SPTB: variants seen among roughly 807,000 people sequenced by gnomAD.
SPTB encodes spectrin beta, erythrocytic, also known as spectrin beta chain, erythrocytic.
Under a neutral mutation model 256.2 loss-of-function variants are expected in SPTB, and 45 were observed. That is an observed-to-expected ratio of 0.18 (90% CI 0.14 to 0.23). The LOEUF (loss-of-function observed/expected upper bound fraction) is 0.23. Ranked by LOEUF, SPTB falls within the 10% of genes least tolerant of loss-of-function variation. The pLI is 1.00. For missense variants in SPTB, 2,715 were observed against 3,040.4 expected, an observed-to-expected ratio of 0.89 and a Z score of 2.52; for synonymous variants, 1,231 against 1,243.1, an observed-to-expected ratio of 0.99 and a Z score of 0.21.
chr14:64,877,326 G>A (rs545873024), intron 1 of SPTB, among the ~76,000 whole-genome samples: 1 of 152,136 alleles, frequency 6.6e-6, no homozygotes, highest in African/African-American at 2.4e-5. Flanking sequence ...TATTACCTGA[G>A]GTCCTGGGAA....
chr14:64,813,461 C>A (rs2083128278), intron 2 of SPTB, among the ~76,000 whole-genome samples: 1 of 152,244 alleles, frequency 6.6e-6, no homozygotes, highest in East Asian at 1.9e-4. Flanking sequence ...CCTTCTCATG[C>A]CAGGAAGCCA....
At chr14:64,848,841 TCTTGA>T (rs1226778010) in intron 1 of SPTB, among the ~76,000 whole-genome samples, 3 of 152,244 alleles carry the variant, frequency 2.0e-5, no homozygotes, top group Non-Finnish European at 4.4e-5. Context: ...CACATAATAC[TCTTGA>T]CTTATGTAAT....
chr14:64,795,460 C>G lies in SPTB; in HGVS notation c.1521G>C (p.Leu507=). Residue 507 remains leucine (L), a synonymous_variant, in exon 12 of 36, where the codon CTG becomes CTC. Transcript: ENST00000644917. The surrounding 1 kb of genome is among the most constrained non-coding windows in gnomAD (Gnocchi z 6.5). ...KRITARKDNI[L]RLWSYLQELL... is the part of the protein sequence containing the mutation. ...GCTCCTGCAGGTAGCTCCATAGGCG[C>G]AGTATATTGTCCTTGCGGGCCGTGA... 1 of 1,614,196 alleles carries G rather than the reference C, an allele frequency of 6.2e-7. No individual in the cohort carries two copies. The highest frequency in any genetic ancestry group is 8.5e-7 in the Non-Finnish European group (1 of 1,180,034).
intron 23 of SPTB, 25 bp from the exon 24 acceptor site, chr14:64,774,552 C>T: frequency 6.4e-7 from 1 of 1,551,896 alleles, no homozygotes. Context: ...ACGGTCAGCG[C>T]CAGAGCTCAG....
chr14:64,757,289 A>G (rs894710023), intron 32 of SPTB: 1 of 152,046 alleles, frequency 6.6e-6, no homozygotes, highest in Non-Finnish European at 1.5e-5. Context: ...CTTCCATTCC[A>G]TTTTCCTTCC....
intron 33 of SPTB, 169 bp from the exon 34 acceptor site, chr14:64,750,323 C>CTAT (rs768213505): frequency 2.6e-6 from 2 of 763,276 alleles, no homozygotes; most frequent in Admixed American, 6.8e-5. Context: ...AAAAAATTAG[C>CTAT]TATTATTAAC....
intron 27 of SPTB, among the ~76,000 whole-genome samples, chr14:64,769,949 G>A (rs1296536002): frequency 6.6e-6 from 1 of 152,220 alleles, no homozygotes; most frequent in African/African-American, 2.4e-5. Flanking sequence ...TGGGCAGTGG[G>A]TACAGAAATC....
intron 29 of SPTB, among the ~76,000 whole-genome samples, chr14:64,768,397 A>C (rs775297985): frequency 4.6e-5 from 7 of 152,240 alleles, no homozygotes; most frequent in Admixed American, 2.0e-4. Flanking sequence ...TTTTGAAAAC[A>C]AAATGTATTT....
chr14:64,786,370 G>A lies in SPTB; in HGVS notation c.3561+34C>T. On this transcript the variant is annotated intron_variant, in intron 16 of 35. Transcript: ENST00000644917. This position sits in a 1 kb window ranked among gnomAD's most constrained non-coding sequence, Gnocchi z 5.6. ...CACCACAAGAGCTACTGCCCTGAGA[G>A]ACCCGCCTGTCCCAGCCCTGAATGC... The A allele has an allele frequency of 1.9e-6, 3 of 1,613,054 alleles. No individual in the cohort carries two copies. Among genetic ancestry groups the A allele is most frequent in the Non-Finnish European group, 2.5e-6 (3 of 1,179,974 alleles).
In SPTB at chr14:64,793,546, C is replaced by A. The variant is rs201889680; in HGVS notation, c.2117G>T (p.Arg706Leu). The A allele has an allele frequency of 2.5e-6, 4 of 1,614,112 alleles. No homozygotes were observed. In the South Asian group the frequency reaches 4.4e-5, roughly 18 times the overall value. Reference protein sequence around the residue: ...IFQEAHGMVARKQFGHPQIEA... With the variant: ...IFQEAHGMVALKQFGHPQIEA... ...GATCTGCGGGTGCCCAAACTGCTTG[C>A]GCGCAACCATGCCATGAGCCTCCTG... The change falls in exon 14 of 36, where the codon CGC (arginine) becomes CTC (leucine). Residue 706 changes from arginine (R) to leucine (L), a missense_variant. By Grantham distance (102) the Arg-to-Leu change is moderately radical (BLOSUM62 -2). Around this residue, in one of 4 missense-constraint regions of SPTB, gnomAD observed 2,239 missense variants for 2,384.4 expected, o/e 0.94. Transcript: ENST00000644917. The surrounding 1 kb of genome is among the most constrained non-coding windows in gnomAD (Gnocchi z 7.0).
intron 1 of SPTB, among the ~76,000 whole-genome samples, chr14:64,830,959 A>C (rs962938919): frequency 1.1e-4 from 16 of 152,200 alleles, no homozygotes; most frequent in African/African-American, 3.4e-4. Flanking sequence ...AAACAAATAC[A>C]ATTTTCAAAT....
At chr14:64,756,591 C>A (rs2082020023) in intron 32 of SPTB, 1 of 152,146 alleles carries the variant, frequency 6.6e-6, no homozygotes, top group South Asian at 2.1e-4. Context: ...TAAATACAAT[C>A]CCTGCTCTTT....
At chr14:64,771,614 C>T (rs901592683) in intron 26 of SPTB, among the ~76,000 whole-genome samples, 1 of 152,152 alleles carries the variant, frequency 6.6e-6, no homozygotes, top group Admixed American at 6.5e-5. Context: ...CCGTTCTTAA[C>T]CATTCTGTGT....
At chr14:64,869,425 T>C (rs1188244289) in intron 1 of SPTB, among the ~76,000 whole-genome samples, 5 of 152,160 alleles carry the variant, frequency 3.3e-5, no homozygotes, top group South Asian at 2.1e-4. Context: ...ACATGATTCT[T>C]TATTCTTTTT....
chr14:64,879,263 C>A (rs1405247364), intron 1 of SPTB, among the ~76,000 whole-genome samples: 1 of 152,214 alleles, frequency 6.6e-6, no homozygotes, highest in African/African-American at 2.4e-5. Flanking sequence ...GGCCCGGCCC[C>A]CTCTGCTGCC....
At chr14:64,771,943 C>T (rs891549837) in intron 26 of SPTB, among the ~76,000 whole-genome samples, 1 of 152,178 alleles carries the variant, frequency 6.6e-6, no homozygotes, top group African/African-American at 2.4e-5. Context: ...GCAACAGGGG[C>T]CCCCTTGCAT....
Position 64,786,257 on chromosome 14 carries a change from T to C in SPTB, c.3561+147A>G. 8.1e-7 allele frequency: 1 copy of C among 1,236,568 alleles called. No individual in the cohort carries two copies. Among genetic ancestry groups the C allele is most frequent in the East Asian group, 2.3e-5 (1 of 42,980 alleles). The allele number at this position is 1,236,568 out of a possible 1,614,324, so 76.6% of individuals were successfully genotyped here. The stretch of plus-strand genomic sequence containing the variant: ...ACACAAGGCTGGAAAAGGCCCCTAA[T>C]GAGAAACAAAGATTTCCCCCATGAG... On this transcript the variant is annotated intron_variant, in intron 16 of 35. Transcript: ENST00000644917. The surrounding 1 kb of genome is among the most constrained non-coding windows in gnomAD (Gnocchi z 5.6).
Position 64,792,599 on chromosome 14 carries a change from G to A in SPTB, c.2666+398C>T, listed in dbSNP as rs1363098881. 6.6e-6 allele frequency among the ~76,000 whole-genome samples: 1 copy of A among 152,152 alleles called. No homozygotes were observed. Among genetic ancestry groups the A allele is most frequent in the Non-Finnish European group, 1.5e-5 (1 of 68,028 alleles). On this transcript the variant is annotated intron_variant, in intron 14 of 35. Coordinates refer to ENST00000644917, the MANE Select transcript of SPTB (RefSeq NM_001355436.2). This position sits in a 1 kb window ranked among gnomAD's most constrained non-coding sequence, Gnocchi z 4.2. ...CAAATTCTCTCTGTGGCCCCTCAGA[G>A]TCTCCTGGCTTAAGGACTGCCACAG...
rs1159304776 is a variant in SPTB, at chr14:64,796,142, T to G, written c.1341+415A>C. ...AAGTGAGAGGGAACAGATGCTCTGATGAAGAATCAGCCCTGGGGTCAATTC... is the reference window on the plus strand; with the variant it reads ...AAGTGAGAGGGAACAGATGCTCTGAGGAAGAATCAGCCCTGGGGTCAATTC... On this transcript the variant is annotated intron_variant, in intron 11 of 35. Coordinates refer to ENST00000644917, the MANE Select transcript of SPTB (RefSeq NM_001355436.2). This position sits in a 1 kb window ranked among gnomAD's most constrained non-coding sequence, Gnocchi z 4.1. 6.6e-6 allele frequency among the ~76,000 whole-genome samples: 1 copy of G among 152,194 alleles called. No homozygotes were observed. Among genetic ancestry groups the G allele is most frequent in the Non-Finnish European group, 1.5e-5 (1 of 68,036 alleles).
Sources: allele counts gnomAD v4.1 joint callset (sites outside exome capture counted in the v4.1 genomes callset), GRCh38; gene constraint gnomAD v4.1.1; regional missense constraint gnomAD v4.1.1; non-coding constraint Gnocchi (gnomAD v3.1); transcripts MANE v1.5; gene names NCBI Gene and HGNC (gene_info 2026-07-23, HGNC 2026-07-21).